The following MNAT1 variants were observed in gnomAD, a reference collection of about 807,000 sequenced individuals.
MNAT1 encodes CDK-activating kinase assembly factor MAT1.
A neutral mutation model predicts 42.0 loss-of-function variants in MNAT1; 43 were observed. The ratio of observed to expected loss-of-function variants is 1.02; its 90% CI spans 0.80 to 1.32. The LOEUF (loss-of-function observed/expected upper bound fraction) is 1.32. MNAT1 is among the 40% of genes most tolerant of loss of function. The pLI is 0.00. For synonymous variants in MNAT1, 118 were observed against 120.0 expected, an observed-to-expected ratio of 0.98 and a Z score of 0.11; for missense variants, 306 against 350.4, an observed-to-expected ratio of 0.87 and a Z score of 1.01.
At chr14:60,747,919 A>G (rs1417595617) in intron 1 of MNAT1, among the ~76,000 whole-genome samples, 1 of 152,214 alleles carries the variant, frequency 6.6e-6, no homozygotes, top group Non-Finnish European at 1.5e-5. Flanking sequence ...TTTTAAGGCC[A>G]GGCATGGTGG....
At chr14:60,869,224 A>G (rs1353383594) in intron 6 of MNAT1, among the ~76,000 whole-genome samples, 1 of 148,592 alleles carries the variant, frequency 6.7e-6, no homozygotes, top group Non-Finnish European at 1.5e-5. Context: ...GTATTTTAAT[A>G]GAGACGGGGT....
chr14:60,891,320 C>T (rs1395016658), intron 7 of MNAT1, among the ~76,000 whole-genome samples: 3 of 151,700 alleles, frequency 2.0e-5, no homozygotes, highest in Admixed American at 6.6e-5. Context: ...TTTTTCTATT[C>T]TCTATTTTGT....
chr14:60,860,724 T>A (rs2034077186), intron 6 of MNAT1, among the ~76,000 whole-genome samples: 1 of 152,178 alleles, frequency 6.6e-6, no homozygotes, highest in Admixed American at 6.5e-5. Flanking sequence ...TAAAGCCCCA[T>A]GCTTTTAACA....
At chr14:60,882,164 A>C (rs754498914) in intron 7 of MNAT1, among the ~76,000 whole-genome samples, 6 of 152,172 alleles carry the variant, frequency 3.9e-5, no homozygotes, top group Admixed American at 6.6e-5. Flanking sequence ...CAAACAAAAC[A>C]AAACCAAAAA....
chr14:60,809,837 T>C (rs1393317620), intron 4 of MNAT1, among the ~76,000 whole-genome samples: 3 of 152,124 alleles, frequency 2.0e-5, no homozygotes, highest in African/African-American at 7.2e-5. Flanking sequence ...GGTACCTTTG[T>C]CTGGTTTTAG....
chr14:60,936,509 A>C (rs2036000719), intron 7 of MNAT1, among the ~76,000 whole-genome samples: 1 of 151,464 alleles, frequency 6.6e-6, no homozygotes, highest in Non-Finnish European at 1.5e-5. Context: ...GTTTGCTGAG[A>C]ATGATGGTTT....
chr14:60,861,481 T>C (rs1474167054), intron 6 of MNAT1, among the ~76,000 whole-genome samples: 1 of 152,152 alleles, frequency 6.6e-6, no homozygotes, highest in African/African-American at 2.4e-5. Flanking sequence ...TTTTGCTCAC[T>C]GTGGAGCTCC....
intron 7 of MNAT1, among the ~76,000 whole-genome samples, chr14:60,958,242 T>G (rs2036520788): frequency 6.6e-6 from 1 of 152,198 alleles, no homozygotes; most frequent in Non-Finnish European, 1.5e-5. Flanking sequence ...CTCAGTTTTG[T>G]TTGTCTGGAA....
intron 6 of MNAT1, 127 bp from the exon 7 acceptor site, chr14:60,879,587 G>T: frequency 8.2e-6 from 7 of 850,062 alleles, no homozygotes. Flanking sequence ...TTGTACCCAT[G>T]GAACAGCACA....
At chr14:60,842,566 A>G (rs983809040) in intron 6 of MNAT1, among the ~76,000 whole-genome samples, 2 of 152,224 alleles carry the variant, frequency 1.3e-5, no homozygotes, top group Non-Finnish European at 2.9e-5. Flanking sequence ...TAGTTGCTTA[A>G]GTGGGGAATG....
chr14:60,828,974 T>G (rs2033142036), intron 6 of MNAT1, among the ~76,000 whole-genome samples: 2 of 152,154 alleles, frequency 1.3e-5, no homozygotes. Context: ...AGCACCTCCA[T>G]GTGTTCAGCA....
chr14:60,961,703 A>G (rs4151401), intron 7 of MNAT1, among the ~76,000 whole-genome samples: 5 of 152,076 alleles, frequency 3.3e-5, no homozygotes, highest in Non-Finnish European at 7.4e-5. Flanking sequence ...TCTTATTATC[A>G]GGGCTACTTC....
chr14:60,863,993 A>T (rs1223061164), intron 6 of MNAT1, among the ~76,000 whole-genome samples: 1 of 152,196 alleles, frequency 6.6e-6, no homozygotes, highest in East Asian at 1.9e-4. Flanking sequence ...TCATTAACAG[A>T]CAAGCCATCA....
At chr14:60,921,976 A>T (rs1210129737) in intron 7 of MNAT1, among the ~76,000 whole-genome samples, 1 of 152,182 alleles carries the variant, frequency 6.6e-6, no homozygotes, top group African/African-American at 2.4e-5. Flanking sequence ...CTTTCATAGT[A>T]AATTTGTTTA....
At chr14:60,816,990 A>G (rs975546537) in intron 5 of MNAT1, among the ~76,000 whole-genome samples, 1 of 151,992 alleles carries the variant, frequency 6.6e-6, no homozygotes, top group African/African-American at 2.4e-5. Context: ...CTTGACTAGC[A>G]ACTTTTTTTT....
intron 1 of MNAT1, among the ~76,000 whole-genome samples, chr14:60,758,091 C>T (rs1432067451): frequency 6.6e-6 from 1 of 152,154 alleles, no homozygotes; most frequent in Non-Finnish European, 1.5e-5. Context: ...ATGTACTAGG[C>T]TTATTTCTAA....
At chr14:60,845,691 C>T (rs2033664948) in intron 6 of MNAT1, among the ~76,000 whole-genome samples, 1 of 152,092 alleles carries the variant, frequency 6.6e-6, no homozygotes, top group African/African-American at 2.4e-5. Context: ...CTTCTGCTTT[C>T]ACTCCGAGCC....
intron 7 of MNAT1, among the ~76,000 whole-genome samples, chr14:60,929,815 A>G (rs2035849137): frequency 6.6e-6 from 1 of 152,160 alleles, no homozygotes; most frequent in African/African-American, 2.4e-5. Context: ...TTTCCTGTCA[A>G]TTTATAATTA....
intron 1 of MNAT1, among the ~76,000 whole-genome samples, chr14:60,775,944 G>A (rs1023646165): frequency 3.3e-5 from 5 of 152,158 alleles, no homozygotes; most frequent in African/African-American, 1.2e-4. Flanking sequence ...TCTGAGATCT[G>A]TGGTGTTAAT....
Sources: allele counts gnomAD v4.1 joint callset (sites outside exome capture counted in the v4.1 genomes callset), GRCh38; gene constraint gnomAD v4.1.1; transcripts MANE v1.5; gene names NCBI Gene and HGNC (gene_info 2026-07-23, HGNC 2026-07-21).